Variants in HYDIN observed in about 807,000 individuals in gnomAD.
The protein encoded by HYDIN is HYDIN axonemal central pair apparatus protein.
Under a neutral mutation model 403.9 loss-of-function variants are expected in HYDIN, and 132 were observed. The ratio of observed to expected loss-of-function variants is 0.33; its 90% CI spans 0.28 to 0.38. The LOEUF (loss-of-function observed/expected upper bound fraction) is 0.38. Among genes scored for constraint, HYDIN ranks in the 10% least tolerant of loss-of-function variants. The pLI, the probability that HYDIN is intolerant of heterozygous loss-of-function variation, is 1.00. For synonymous variants in HYDIN, 1,202 were observed against 1,891.7 expected (o/e 0.64, Z 9.46); for missense variants, 2,827 against 5,009.5 (o/e 0.56, Z 13.15).
chr16:71,215,644 G>A (rs900658744), intron 1 of HYDIN, among the ~76,000 whole-genome samples: 1 of 151,838 alleles, frequency 6.6e-6, no homozygotes, highest in Non-Finnish European at 1.5e-5. Context: ...AAGGCAAGAG[G>A]ATCACTTGAG....
intron 18 of HYDIN, among the ~76,000 whole-genome samples, chr16:71,053,538 T>G (rs915973081): frequency 2.6e-5 from 4 of 151,922 alleles, no homozygotes; most frequent in Non-Finnish European, 1.5e-5. Context: ...AACGTAATTT[T>G]GAGCCTGAAA....
intron 8 of HYDIN, chr16:71,133,346 A>G (rs1490969320): frequency 2.2e-6 from 1 of 449,056 alleles, no homozygotes; most frequent in East Asian, 7.0e-5. Context: ...CAATGTTACA[A>G]ATGAAGAACT....
chr16:70,871,337 G>A (rs906098445), intron 65 of HYDIN, among the ~76,000 whole-genome samples: 3 of 152,186 alleles, frequency 2.0e-5, no homozygotes, highest in African/African-American at 4.8e-5. Context: ...CTCACTGGCT[G>A]TGTGTCAACA....
At chr16:70,893,171 C>T (rs2041577466) in intron 55 of HYDIN, among the ~76,000 whole-genome samples, 1 of 152,224 alleles carries the variant, frequency 6.6e-6, no homozygotes, top group Admixed American at 6.5e-5. Context: ...TCCTTGCTTC[C>T]CTGCGCATTC....
At chr16:71,193,368 G>A (rs567052689) in intron 1 of HYDIN, among the ~76,000 whole-genome samples, 5 of 152,166 alleles carry the variant, frequency 3.3e-5, no homozygotes, top group Non-Finnish European at 7.3e-5. Flanking sequence ...TTAAGTAAGA[G>A]TTCAGTATGT....
chr16:71,026,437 G>A (rs1301717709), intron 20 of HYDIN, among the ~76,000 whole-genome samples: 1 of 152,106 alleles, frequency 6.6e-6, no homozygotes, highest in Admixed American at 6.6e-5. Context: ...AGCTTAAGCT[G>A]AGTTTAGTCC....
chr16:71,060,486 TCATGTCCCATG>T lies in HYDIN; in HGVS notation c.2529+7_2529+17del, dbSNP rs1160409718. On this transcript the variant is annotated splice_region_variant and intron_variant, in intron 18 of 85. Transcript: ENST00000393567. ...GCCTATAAGCCAAAGCTGTGTTTCA[TCATGTCCCATG>T]ACTTACCATGTGTGCCTGGAAAAAT... The T allele has an allele frequency of 1.6e-6, 1 of 614,828 alleles. No individual in the cohort carries two copies. Among genetic ancestry groups the T allele is most frequent in the Non-Finnish European group, 2.9e-6 (1 of 342,998 alleles). The allele number at this position is 614,828 out of a possible 1,614,324, so 38.1% of individuals were successfully genotyped here.
At chr16:70,976,081 T>C (rs1418164363) in intron 30 of HYDIN, among the ~76,000 whole-genome samples, 3 of 151,358 alleles carry the variant, frequency 2.0e-5, no homozygotes, top group Non-Finnish European at 2.9e-5. Context: ...TTGTTTTTCC[T>C]TTGGATAAAG....
At chr16:71,073,463 T>G (rs578205869) in intron 13 of HYDIN, among the ~76,000 whole-genome samples, 4 of 152,180 alleles carry the variant, frequency 2.6e-5, no homozygotes, top group Non-Finnish European at 5.9e-5. Flanking sequence ...AACTTAGATA[T>G]TTCTCCTTCA....
At chr16:71,223,768 A>T (rs771769582) in intron 1 of HYDIN, among the ~76,000 whole-genome samples, 3 of 152,202 alleles carry the variant, frequency 2.0e-5, no homozygotes, top group Non-Finnish European at 4.4e-5. Context: ...AATTAAAACC[A>T]CAATGAGATA....
chr16:71,061,799 T>A (rs1389049775), intron 17 of HYDIN, among the ~76,000 whole-genome samples: 2 of 151,022 alleles, frequency 1.3e-5, no homozygotes, highest in Non-Finnish European at 3.0e-5. Flanking sequence ...ACAGATGTGC[T>A]GGCTTCCTCC....
intron 8 of HYDIN, among the ~76,000 whole-genome samples, chr16:71,130,778 G>A (rs1390813420): frequency 2.6e-5 from 4 of 151,504 alleles, no homozygotes; most frequent in Middle Eastern, 3.4e-3. Context: ...GTGAGCCACC[G>A]CGCCCGGCCT....
chr16:70,859,279 G>C (rs9934880), intron 71 of HYDIN, among the ~76,000 whole-genome samples: 4,013 of 151,738 alleles, frequency 0.026, 161 homozygotes, highest in African/African-American at 0.089. Context: ...CCAGCCTGGG[G>C]GACAGAGCAA....
At chr16:71,127,626 A>T (rs1247443343) in intron 9 of HYDIN, among the ~76,000 whole-genome samples, 1 of 151,632 alleles carries the variant, frequency 6.6e-6, no homozygotes, top group Non-Finnish European at 1.5e-5. Flanking sequence ...TTACCTATGG[A>T]TTATCCCTGG....
chr16:71,153,651 C>T (rs1409732550), intron 6 of HYDIN, among the ~76,000 whole-genome samples: 1 of 149,956 alleles, frequency 6.7e-6, no homozygotes, highest in Non-Finnish European at 1.5e-5. Flanking sequence ...AAATGCGAGT[C>T]GAGGGCTGTT....
intron 10 of HYDIN, among the ~76,000 whole-genome samples, chr16:71,096,486 T>A (rs1037781103): frequency 1.3e-5 from 2 of 152,218 alleles, no homozygotes; most frequent in African/African-American, 4.8e-5. Context: ...TTTGTGTGTG[T>A]GTGTGTGTTC....
intron 45 of HYDIN, among the ~76,000 whole-genome samples, chr16:70,931,985 T>G: frequency 9.4e-6 from 1 of 106,524 alleles, no homozygotes. Flanking sequence ...CACTGTAGCC[T>G]GGGCGACAGA....
intron 18 of HYDIN, among the ~76,000 whole-genome samples, chr16:71,038,717 G>C (rs554360358): frequency 3.3e-5 from 5 of 152,258 alleles, no homozygotes; most frequent in Non-Finnish European, 4.4e-5. Flanking sequence ...CTAGAGTGCA[G>C]TGGCGCCATC....
rs1387858554 is a variant in HYDIN, at chr16:70,855,008, A to G, written c.12443+120T>C. The G allele has an allele frequency of 4.0e-6, 3 of 741,512 alleles. No individual in the cohort carries two copies. In the Admixed American group the frequency reaches 7.5e-5, roughly 19 times the overall value. The allele number at this position is 741,512 out of a possible 1,614,324, so 45.9% of individuals were successfully genotyped here. A position where few individuals can be genotyped will look rare whatever the true frequency, so the allele number is the denominator to read the frequency against. On this transcript the variant is annotated intron_variant, in intron 73 of 85. Coordinates refer to ENST00000393567, the MANE Select transcript of HYDIN (RefSeq NM_001270974.2). ...TAAGTAGGATGGAGATGGAATTGTT[A>G]TGATGTAATCTTAGAGTTGAAAGCA...
Sources: gnomAD v4.1 joint callset for allele counts (sites outside exome capture counted in the v4.1 genomes callset) on GRCh38, gnomAD v4.1.1 for gene constraint, MANE v1.5 for transcripts, NCBI Gene and HGNC (gene_info 2026-07-23, HGNC 2026-07-21) for gene names.